Variants in ACSL1 observed in about 807,000 individuals in gnomAD.
ACSL1 encodes the protein long-chain-fatty-acid--CoA ligase 1.
In ACSL1, 41 loss-of-function variants were observed where a neutral mutation model predicts 98.4. The observed-to-expected ratio is 0.42, with a 90% CI of 0.32 to 0.54. The LOEUF is 0.54. ACSL1 is among the 20% of genes least tolerant of loss of function. The pLI is 0.13. For missense variants in ACSL1, 734 were observed against 883.1 expected (o/e 0.83, Z 2.14); for synonymous variants, 316 against 322.7 (o/e 0.98, Z 0.22).
At chr4:184,822,125 T>C (rs1773109545) in intron 1 of ACSL1, among the ~76,000 whole-genome samples, 1 of 152,218 alleles carries the variant, frequency 6.6e-6, no homozygotes, top group African/African-American at 2.4e-5. Flanking sequence ...GGCACCTATA[T>C]GGAACCACCA....
intron 6 of ACSL1, 77 bp from the exon 7 acceptor site, chr4:184,776,739 T>C: frequency 1.3e-6 from 2 of 1,510,626 alleles, no homozygotes; most frequent in Non-Finnish European, 1.8e-6. Context: ...AGCACAAGGA[T>C]ACTTGAAGTA....
intron 11 of ACSL1, among the ~76,000 whole-genome samples, chr4:184,769,616 T>C (rs747105036): frequency 6.6e-6 from 1 of 152,218 alleles, no homozygotes. Context: ...AGATGGCAGA[T>C]GGGATCTAAT....
intron 7 of ACSL1, 90 bp downstream of exon 7, chr4:184,776,394 C>T (rs775644030): frequency 1.4e-6 from 2 of 1,432,470 alleles, no homozygotes; most frequent in Non-Finnish European, 1.9e-6. Flanking sequence ...TGGGACTGCA[C>T]CATAGCACTA....
At chr4:184,783,648 G>A (rs1484413679) in intron 4 of ACSL1, among the ~76,000 whole-genome samples, 1 of 152,198 alleles carries the variant, frequency 6.6e-6, no homozygotes, top group Non-Finnish European at 1.5e-5. Context: ...GGGGGACCGG[G>A]AGAGTTTCTA....
chr4:184,758,200 A>G (rs1030351424), intron 18 of ACSL1: 2 of 360,090 alleles, frequency 5.6e-6, no homozygotes, highest in Admixed American at 4.3e-5. Flanking sequence ...TTACTTTTAT[A>G]TACTTATTTT....
chr4:184,824,229 G>A (rs1773282770), intron 1 of ACSL1, among the ~76,000 whole-genome samples: 1 of 152,128 alleles, frequency 6.6e-6, no homozygotes, highest in Non-Finnish European at 1.5e-5. Context: ...GAGTTCAAGC[G>A]ATTCTCCTGG....
Position 184,757,993 on chromosome 4 carries a change from A to G in ACSL1, c.1783-73T>C. Reference sequence around the variant, plus strand: ...TAAAATAGTGGTTCTTTATTTTTCCATCTTGTGGCCCCCTGGGAGAATATG... The same window carrying G: ...TAAAATAGTGGTTCTTTATTTTTCCGTCTTGTGGCCCCCTGGGAGAATATG... On this transcript the variant is annotated intron_variant, in intron 18 of 20. Coordinates refer to ENST00000281455, the MANE Select transcript of ACSL1 (RefSeq NM_001995.5). The surrounding 1 kb of genome is among the most constrained non-coding windows in gnomAD (Gnocchi z 4.5). 7.1e-7 allele frequency: 1 copy of G among 1,411,206 alleles called. No homozygotes were observed. The highest frequency in any genetic ancestry group is 1.0e-6 in the Non-Finnish European group (1 of 1,004,068). 87.4% of individuals were successfully genotyped at this position (1,411,206 alleles called of 1,614,324 possible).
At chr4:184,816,382 G>T (rs945671060) in intron 1 of ACSL1, among the ~76,000 whole-genome samples, 1 of 152,062 alleles carries the variant, frequency 6.6e-6, no homozygotes, top group Non-Finnish European at 1.5e-5. Flanking sequence ...ATTACACAAA[G>T]AGCTCAGGTA....
rs149816009 is a variant in ACSL1, at chr4:184,793,247, G to A, written c.196-4516C>T. 1.4e-3 allele frequency among the ~76,000 whole-genome samples: 213 copies of A among 151,956 alleles called. 1 individual carries two copies. The highest frequency in any genetic ancestry group is 5.0e-3 in the African/African-American group (209 of 41,442). On this transcript the variant is annotated intron_variant, in intron 2 of 20. Transcript: ENST00000281455. ...TCAAACCCACTACAGTGAAATCGGT[G>A]GTCATGAGTATATTCCGCAACATCT...
At chr4:184,786,215 A>C (rs906997470) in intron 3 of ACSL1, among the ~76,000 whole-genome samples, 1 of 152,254 alleles carries the variant, frequency 6.6e-6, no homozygotes, top group African/African-American at 2.4e-5. Flanking sequence ...CATGTTTAAC[A>C]TAAGAAGCGT....
chr4:184,825,396 G>T lies in ACSL1; in HGVS notation c.-33+520C>A. ...TCTGGCAGCGGCCTCTGAGCTGCCT[G>T]TGGGCCTCGTGCCGCCGCGCTGCGT... is the stretch of plus-strand genomic sequence containing the variant. On this transcript the variant is annotated intron_variant, in intron 1 of 20. Coordinates refer to ENST00000281455, the MANE Select transcript of ACSL1 (RefSeq NM_001995.5). The surrounding 1 kb of genome is among the most constrained non-coding windows in gnomAD (Gnocchi z 4.7). The T allele has an allele frequency of 3.5e-6, 1 of 289,356 alleles. No individual in the cohort carries two copies. Among genetic ancestry groups the T allele is most frequent in the Non-Finnish European group, 5.2e-6 (1 of 193,722 alleles). 17.9% of individuals were successfully genotyped at this position (289,356 alleles called of 1,614,324 possible). A position where few individuals can be genotyped will look rare whatever the true frequency, so the allele number is the denominator to read the frequency against.
intron 1 of ACSL1, among the ~76,000 whole-genome samples, chr4:184,819,671 G>A (rs1167993584): frequency 1.3e-5 from 2 of 152,092 alleles, no homozygotes; most frequent in African/African-American, 2.4e-5. Flanking sequence ...GTGGTTTGGA[G>A]AGGAGTGGAG....
chr4:184,793,171 T>A (rs1768704476), intron 2 of ACSL1, among the ~76,000 whole-genome samples: 3 of 146,592 alleles, frequency 2.0e-5, no homozygotes, highest in Non-Finnish European at 4.5e-5. Context: ...ACCTCTTTAA[T>A]GTGGTTACAT....
At chr4:184,799,241 C>T (rs1219995936) in intron 2 of ACSL1, among the ~76,000 whole-genome samples, 10 of 151,862 alleles carry the variant, frequency 6.6e-5, no homozygotes, top group African/African-American at 9.7e-5. Context: ...CTCAGCCTCC[C>T]GAGTAGCTGG....
rs1579839773 is a variant in ACSL1 at position 184,764,897 on chromosome 4, C to T, written c.1388G>A (p.Cys463Tyr). 6.2e-7 allele frequency: 1 copy of T among 1,613,926 alleles called. No individual in the cohort carries two copies. Among genetic ancestry groups the T allele is most frequent in the Non-Finnish European group, 8.5e-7 (1 of 1,179,972 alleles). ...CATGGTCAGGCAGCACCCGGCAGTG[C>T]ACTCTGTCTGTCCGTATCCTTCATA... ...QFYEGYGQTE[C>Y]TAGCCLTMPG... is the part of the protein sequence containing the mutation. The change falls in exon 15 of 21, where the codon TGC (cysteine) becomes TAC (tyrosine). Residue 463 changes from cysteine to tyrosine, a missense_variant. Cys to Tyr is a radical substitution (Grantham distance 194). Transcript: ENST00000281455.
rs906366085 is a variant in ACSL1, at chr4:184,764,984, G to T, written c.1360-59C>A. The T allele has an allele frequency of 7.2e-6, 11 of 1,537,036 alleles. No individual in the cohort carries two copies. The African/African-American group carries it at 1.5e-4, about 21-fold the overall frequency. On this transcript the variant is annotated intron_variant, in intron 14 of 20. Transcript: ENST00000281455. ...GAGCACAATCACACCTTTACTGGAA[G>T]TGCACAAGCAATGAAGTCTCACTAA...
rs146399082 is a variant in ACSL1 at position 184,761,783 on chromosome 4, T to C, written c.1638+624A>G. Among the ~76,000 whole-genome samples the C allele has an allele frequency of 1.7e-3, 257 of 151,910 alleles. 2 individuals carry two copies. In the East Asian group the frequency reaches 0.021, roughly 12 times the overall value. On this transcript the variant is annotated intron_variant, in intron 17 of 20. Coordinates refer to ENST00000281455, the MANE Select transcript of ACSL1 (RefSeq NM_001995.5). ...AGTACGGATATTGTAAAAAAGCCAC[T>C]GTCTCTTTGTATTCCGGTTGAGAAG...
At chr4:184,782,371 C>T (rs1294276322) in intron 4 of ACSL1, among the ~76,000 whole-genome samples, 1 of 151,462 alleles carries the variant, frequency 6.6e-6, no homozygotes, top group Admixed American at 6.6e-5. Context: ...CCAAAGTTGG[C>T]TTCAGTTTTG....
chr4:184,761,156 T>A (rs1478581980), intron 17 of ACSL1, among the ~76,000 whole-genome samples: 2 of 152,180 alleles, frequency 1.3e-5, no homozygotes, highest in African/African-American at 4.8e-5. Flanking sequence ...TGTCTAGGGT[T>A]CTTTTGTTCC....
Sources: allele counts gnomAD v4.1 joint callset (sites outside exome capture counted in the v4.1 genomes callset), GRCh38; gene constraint gnomAD v4.1.1; non-coding constraint Gnocchi (gnomAD v3.1); transcripts MANE v1.5; gene names NCBI Gene and HGNC (gene_info 2026-07-23, HGNC 2026-07-21).